The following SLC8B1 variants were observed in gnomAD, a reference collection of about 807,000 sequenced individuals.
SLC8B1 encodes the protein solute carrier family 8 member B1.
In SLC8B1, 52 loss-of-function variants were observed where a neutral mutation model predicts 63.4. That is an observed-to-expected ratio of 0.82 (90% CI 0.66 to 1.03). The LOEUF is 1.03. SLC8B1 is among the 50% of genes least tolerant of loss of function. The pLI is 0.00. For missense variants in SLC8B1, 657 were observed against 741.7 expected (o/e 0.89, Z 1.33); for synonymous variants, 336 against 323.9 (o/e 1.04, Z -0.40).
chr12:113,299,953 C>T lies in SLC8B1; in HGVS notation c.1579G>A (p.Val527Met). 2 of 1,613,556 alleles carry T rather than the reference C, an allele frequency of 1.2e-6. No homozygotes were observed. The highest frequency in any genetic ancestry group is 1.1e-5 in the South Asian group (1 of 91,056). The change falls in exon 16 of 16, where the codon GTG (valine) becomes ATG (methionine). Residue 527 changes from valine to methionine, a missense_variant. Transcript: ENST00000680972. ...EVKLEPDGLL[V>M]WVLAGALGLS... is the part of the protein sequence containing the mutation. ...CCCAGGGCGCCTGCCAGGACCCACA[C>T]CAGCAGTCCGTCTGGCTCCAGCTGT...
intron 10 of SLC8B1, among the ~76,000 whole-genome samples, chr12:113,316,302 G>A (rs924506750): frequency 6.6e-6 from 1 of 152,146 alleles, no homozygotes; most frequent in Non-Finnish European, 1.5e-5. Context: ...CAGGTTCCAG[G>A]GGTTAGGATA....
intron 11 of SLC8B1, among the ~76,000 whole-genome samples, chr12:113,313,634 A>C (rs527832650): frequency 6.6e-6 from 1 of 152,086 alleles, no homozygotes; most frequent in Admixed American, 6.6e-5. Flanking sequence ...CCAACTACTC[A>C]GAAGGCTGAG....
chr12:113,303,805 T>C (rs1160041120), intron 15 of SLC8B1, among the ~76,000 whole-genome samples: 1 of 152,174 alleles, frequency 6.6e-6, no homozygotes, highest in Non-Finnish European at 1.5e-5. Flanking sequence ...TGCGTGCTTA[T>C]CCAGGAAGCT....
At chr12:113,333,093 A>G in intron 1 of SLC8B1, 133 bp from the exon 2 acceptor site, 2 of 599,782 alleles carry the variant, frequency 3.3e-6, no homozygotes, top group South Asian at 2.1e-5. Flanking sequence ...CGGAGAAACC[A>G]TGTTCTGCAC....
intron 2 of SLC8B1, among the ~76,000 whole-genome samples, chr12:113,325,765 G>A (rs1456276839): frequency 5.3e-5 from 8 of 151,782 alleles, no homozygotes; most frequent in Non-Finnish European, 7.4e-5. Context: ...GGGTTTCACC[G>A]TGTTAGCCAG....
In SLC8B1 at chr12:113,315,422, CCT is replaced by C. The variant is rs1956822075; in HGVS notation, c.1046_1047del (p.Lys349ArgfsTer2). Reference sequence around the variant, plus strand: ...AGGGGCCGTTTCCAGTTCTGGTCATCCTTGTCCGGGTCCACGACGGGGACTGT... The same window carrying C: ...AGGGGCCGTTTCCAGTTCTGGTCATCTGTCCGGGTCCACGACGGGGACTGT... The part of the protein sequence containing the change: ...LLTVPVVDPD[K>X]DDQNWKRPLN... On this transcript the variant is annotated frameshift_variant, in exon 11 of 16. Transcript: ENST00000680972. LOFTEE classifies it high-confidence loss of function. 1.9e-6 allele frequency: 3 copies of C among 1,597,296 alleles called. No homozygotes were observed. Among genetic ancestry groups the C allele is most frequent in the Non-Finnish European group, 2.6e-6 (3 of 1,172,360 alleles).
At chr12:113,314,292 T>TGTTTCATCCCGATGGA (rs1956804243) in intron 11 of SLC8B1, among the ~76,000 whole-genome samples, 2 of 152,194 alleles carry the variant, frequency 1.3e-5, no homozygotes, top group Non-Finnish European at 2.9e-5. Context: ...GCAAGGAGGC[T>TGTTTCATCCCGATGGA]GTTTCATCCC....
intron 7 of SLC8B1, chr12:113,319,321 C>T (rs1956886936): frequency 2.3e-6 from 1 of 432,362 alleles, no homozygotes; most frequent in Non-Finnish European, 4.3e-6. Context: ...CTCCAGGTCC[C>T]CATTCAAGTA....
chr12:113,301,333 C>CT (rs61095726), intron 15 of SLC8B1, among the ~76,000 whole-genome samples: 3,169 of 107,624 alleles, frequency 0.029, 165 homozygotes, highest in African/African-American at 0.075. Flanking sequence ...CTTTATAAGG[C>CT]TTTTTTTTTT....
Position 113,320,292 on chromosome 12 carries a change from A to G in SLC8B1, c.694+39T>C. 6.2e-7 allele frequency: 1 copy of G among 1,604,156 alleles called. No homozygotes were observed. Among genetic ancestry groups the G allele is most frequent in the Non-Finnish European group, 8.5e-7 (1 of 1,174,798 alleles). On this transcript the variant is annotated intron_variant, in intron 7 of 15. Coordinates refer to ENST00000680972, the MANE Select transcript of SLC8B1 (RefSeq NM_001358345.2). The surrounding 1 kb of genome is among the most constrained non-coding windows in gnomAD (Gnocchi z 5.3). Reference sequence around the variant, plus strand: ...GCACCTCCTAAACCTCCTGCCCATCAGCCCTGGGATCTCACGCCTGAGCCC... The same window carrying G: ...GCACCTCCTAAACCTCCTGCCCATCGGCCCTGGGATCTCACGCCTGAGCCC...
Position 113,320,476 on chromosome 12 carries a change from T to A in SLC8B1, c.549A>T (p.Thr183=). Residue 183 remains threonine (T), a synonymous_variant, in exon 7 of 16, where the codon ACA becomes ACT. Transcript: ENST00000680972. The surrounding 1 kb of genome is among the most constrained non-coding windows in gnomAD (Gnocchi z 5.3). Reference sequence around the variant, plus strand: ...GGATGGTAATGCCTCCGGCCACCACTGTGGTAACCAGCACGCCAGCGCCTG... The same window carrying A: ...GGATGGTAATGCCTCCGGCCACCACAGTGGTAACCAGCACGCCAGCGCCTG... ...ALFGAGVLVT[T]VVAGGITILH... The A allele has an allele frequency of 6.2e-7, 1 of 1,614,074 alleles. No individual in the cohort carries two copies. Among genetic ancestry groups the A allele is most frequent in the South Asian group, 1.1e-5 (1 of 91,084 alleles).
intron 2 of SLC8B1, among the ~76,000 whole-genome samples, chr12:113,327,243 A>G (rs187572218): frequency 6.6e-6 from 1 of 152,236 alleles, no homozygotes. Context: ...AATAATAATC[A>G]TATTGGGAGG....
At chr12:113,300,000 CTGAG>C in intron 15 of SLC8B1, 26 bp from the exon 16 acceptor site, 1 of 1,607,326 alleles carries the variant, frequency 6.2e-7, no homozygotes, top group Admixed American at 1.7e-5. Flanking sequence ...GGGAGAGAGG[CTGAG>C]TCACTGCCCG....
At chr12:113,330,865 A>G (rs2136869803) in intron 2 of SLC8B1, among the ~76,000 whole-genome samples, 1 of 151,916 alleles carries the variant, frequency 6.6e-6, no homozygotes, top group South Asian at 2.1e-4. Flanking sequence ...GCTACAGGGC[A>G]CTCCAGGGGG....
At chr12:113,318,909 C>A in intron 8 of SLC8B1, 55 bp downstream of exon 8, 1 of 1,434,980 alleles carries the variant, frequency 7.0e-7, no homozygotes, top group Non-Finnish European at 9.8e-7. Flanking sequence ...CACTGAAGGG[C>A]ACAGAGGCCC....
chr12:113,313,958 T>C (rs1319873378), intron 11 of SLC8B1, among the ~76,000 whole-genome samples: 1 of 152,084 alleles, frequency 6.6e-6, no homozygotes. Context: ...TGCAGTGAGC[T>C]GAGATCATGC....
rs924870424 is a variant in SLC8B1, at chr12:113,305,271, G to A, written c.1493-886C>T. Among the ~76,000 whole-genome samples, 7 of 152,244 alleles carry A rather than the reference G, an allele frequency of 4.6e-5. No homozygotes were observed. Among genetic ancestry groups the A allele is most frequent in the South Asian group, 2.1e-4 (1 of 4,834 alleles). ...AAGCCAGGAGTAGGCCTCAGTGGGC[G>A]CAAAAGGGCCACCAAGGGCCTTGCT... On this transcript the variant is annotated intron_variant, in intron 14 of 15. Coordinates refer to ENST00000680972, the MANE Select transcript of SLC8B1 (RefSeq NM_001358345.2). The surrounding 1 kb of genome is among the most constrained non-coding windows in gnomAD (Gnocchi z 4.3).
intron 15 of SLC8B1, among the ~76,000 whole-genome samples, 199 bp downstream of exon 15, chr12:113,304,122 C>A (rs1956637836): frequency 6.6e-6 from 1 of 152,104 alleles, no homozygotes; most frequent in African/African-American, 2.4e-5. Context: ...CTCAAGTGAT[C>A]CTCTGCCTCA....
At chr12:113,331,342 C>T (rs994191229) in intron 2 of SLC8B1, among the ~76,000 whole-genome samples, 6 of 145,720 alleles carry the variant, frequency 4.1e-5, no homozygotes, top group Non-Finnish European at 7.4e-5. Flanking sequence ...GAGCTGAGAT[C>T]GTGCCATTGC....
Sources: gnomAD v4.1 joint callset for allele counts (sites outside exome capture counted in the v4.1 genomes callset) on GRCh38, gnomAD v4.1.1 for gene constraint, Gnocchi (gnomAD v3.1) non-coding constraint, MANE v1.5 for transcripts, NCBI Gene and HGNC (gene_info 2026-07-23, HGNC 2026-07-21) for gene names.